The following GNAS variants were observed in gnomAD, a reference collection of about 807,000 sequenced individuals.
GNAS encodes protein ALEX.
Under a neutral mutation model 54.5 loss-of-function variants are expected in GNAS, and 8 were observed. The ratio of observed to expected loss-of-function variants is 0.15; its 90% CI spans 0.09 to 0.26. The LOEUF (loss-of-function observed/expected upper bound fraction) is 0.26. Among genes scored for constraint, GNAS ranks in the 10% least tolerant of loss-of-function variants. The pLI is 1.00. For synonymous variants in GNAS, 204 were observed against 191.4 expected, an observed-to-expected ratio of 1.07 and a Z score of -0.54; for missense variants, 170 against 529.8, an observed-to-expected ratio of 0.32 and a Z score of 6.67.
rs766190543 is a variant in GNAS at position 58,909,482 on chromosome 20, A to C, written c.660-39A>C. 1.9e-6 allele frequency: 3 copies of C among 1,612,460 alleles called. No individual in the cohort carries two copies. Among genetic ancestry groups the C allele is most frequent in the East Asian group, 4.5e-5 (2 of 44,868 alleles). ...ATCATGGTTTCTTGACATTCACCCC[A>C]GTCCCTCTGGAATAACCAGCTGTCC... is the stretch of plus-strand genomic sequence containing the variant. On this transcript the variant is annotated intron_variant, in intron 8 of 12. Coordinates refer to ENST00000371085, the MANE Select transcript of GNAS (RefSeq NM_000516.7). This position sits in a 1 kb window ranked among gnomAD's most constrained non-coding sequence, Gnocchi z 7.3.
chr20:58,839,895 G>GA (rs2085655140), upstream of GNAS: 1 of 601,962 alleles, frequency 1.7e-6, no homozygotes, highest in Non-Finnish European at 3.0e-6. Context: ...GCTCAGAGAG[G>GA]CAAGCAAGGC....
intron 6 of GNAS, among the ~76,000 whole-genome samples, chr20:58,905,984 G>A (rs2091017348): frequency 3.3e-5 from 5 of 152,128 alleles, no homozygotes; most frequent in Admixed American, 3.3e-4. Flanking sequence ...CTAGATCCTA[G>A]TGACTCTAGG....
intron 6 of GNAS, among the ~76,000 whole-genome samples, chr20:58,907,656 T>TA (rs2091168500): frequency 6.6e-6 from 1 of 152,204 alleles, no homozygotes; most frequent in African/African-American, 2.4e-5. Flanking sequence ...AAGCAACACT[T>TA]AATTACTCCT....
intron 1 of GNAS, among the ~76,000 whole-genome samples, chr20:58,870,065 T>C (rs1012935840): frequency 5.9e-5 from 9 of 152,334 alleles, no homozygotes; most frequent in Non-Finnish European, 1.2e-4. Flanking sequence ...CACAAGGACC[T>C]ACAAAGTCCT....
upstream of GNAS, chr20:58,889,435 AGGGGCGCCCGGGCGCCGCTGCCTTGCCCC>A (rs888651713): frequency 1.8e-3 from 1,677 of 913,512 alleles, 4 homozygotes; most frequent in South Asian, 2.1e-3. Flanking sequence ...GGGACAAGGC[AGGGGCGCCCGGGCGCCGCTGCCTTGCCCC>A]GGGGCGCCTC....
chr20:58,845,865 G>A (rs1351509625), intron 1 of GNAS, among the ~76,000 whole-genome samples: 1 of 152,206 alleles, frequency 6.6e-6, no homozygotes, highest in African/African-American at 2.4e-5. Context: ...AGCAGAGGCA[G>A]GACTCTGCCT....
At chr20:58,890,290 G>C (rs1456116536), upstream of GNAS, among the ~76,000 whole-genome samples, 1 of 147,682 alleles carries the variant, frequency 6.8e-6, no homozygotes, top group Non-Finnish European at 1.5e-5. Context: ...GACGACGAGG[G>C]CGCCGAGGAG....
chr20:58,879,425 G>A (rs528062313), intron 1 of GNAS, among the ~76,000 whole-genome samples: 25 of 152,326 alleles, frequency 1.6e-4, no homozygotes, highest in African/African-American at 5.5e-4. Context: ...CAGATGTCCT[G>A]TTCTGGGGAC....
chr20:58,907,578 C>T (rs1239612214), intron 6 of GNAS, among the ~76,000 whole-genome samples: 4 of 152,156 alleles, frequency 2.6e-5, no homozygotes, highest in Non-Finnish European at 5.9e-5. Flanking sequence ...GTAGCTTAGC[C>T]AGATTGTTGA....
At chr20:58,840,263 C>A, upstream of GNAS, 1 of 1,611,788 alleles carries the variant, frequency 6.2e-7, no homozygotes, top group Non-Finnish European at 8.5e-7. This position sits in a 1 kb window ranked among gnomAD's most constrained non-coding sequence, Gnocchi z 6.0. Context: ...CGCCCGTGCC[C>A]AGCAGCGCGC....
rs2085749757 is a variant in GNAS at position 58,841,988 on chromosome 20, T to C, written c.43+1102T>C. The C allele has an allele frequency of 1.0e-6, 1 of 975,534 alleles. No homozygotes were observed. The highest frequency in any genetic ancestry group is 1.3e-6 in the Non-Finnish European group (1 of 753,814). The allele number at this position is 975,534 out of a possible 1,614,324, so 60.4% of individuals were successfully genotyped here. ...CGCAGAGCTGGGGAAAGGTGTTGGA[T>C]CCGGCGCCAGTCCTTGGACGATCAG... is the stretch of plus-strand genomic sequence containing the variant. On this transcript the variant is annotated intron_variant, in intron 1 of 12. Coordinates refer to the GNAS transcript ENST00000306090. The surrounding 1 kb of genome is among the most constrained non-coding windows in gnomAD (Gnocchi z 5.0).
intron 1 of GNAS, chr20:58,854,365 C>A: frequency 6.4e-7 from 1 of 1,574,708 alleles, no homozygotes; most frequent in Non-Finnish European, 8.6e-7. Flanking sequence ...GCCGCTGATG[C>A]CGCGGAGGGA....
intron 1 of GNAS, among the ~76,000 whole-genome samples, chr20:58,870,502 A>G (rs1483593725): frequency 6.6e-6 from 1 of 152,238 alleles, no homozygotes; most frequent in Non-Finnish European, 1.5e-5. Context: ...GTCTGCTCTC[A>G]GAAATTGGGA....
chr20:58,851,340 C>T (rs1435363040), intron 1 of GNAS, among the ~76,000 whole-genome samples: 1 of 152,048 alleles, frequency 6.6e-6, no homozygotes, highest in African/African-American at 2.4e-5. Flanking sequence ...GTGGTTCGCC[C>T]GCCTGCAGCT....
At chr20:58,889,195 G>A (rs1367126864), upstream of GNAS, 2 of 1,213,138 alleles carry the variant, frequency 1.6e-6, no homozygotes, top group Non-Finnish European at 2.1e-6. Context: ...CGTCGGCACC[G>A]CGGAGCGGGC....
intron 1 of GNAS, chr20:58,843,287 A>G (rs1475845729): frequency 6.7e-6 from 1 of 149,948 alleles, no homozygotes; most frequent in Non-Finnish European, 1.5e-5. Flanking sequence ...AGTGCAGACC[A>G]TATGAAGCAA....
chr20:58,871,209 G>T (rs2087422913), intron 1 of GNAS, among the ~76,000 whole-genome samples: 1 of 152,210 alleles, frequency 6.6e-6, no homozygotes, highest in African/African-American at 2.4e-5. Context: ...GGGTCCTTGT[G>T]AACGACTCAG....
At position 58,910,377 on chromosome 20, in the gene GNAS, G is replaced by A. The variant is rs1165430006; in HGVS notation, c.1014G>A (p.Lys338=). ...AGGACCCACGCGTGACCCGGGCCAA[G>A]TACTTCATTCGAGATGAGTTTCTGG... ...PGEDPRVTRA[K]YFIRDEFLRI... Residue 338 remains lysine, a synonymous_variant, in exon 12 of 13, where the codon AAG becomes AAA. Coordinates refer to ENST00000371085, the MANE Select transcript of GNAS (RefSeq NM_000516.7). The surrounding 1 kb of genome is among the most constrained non-coding windows in gnomAD (Gnocchi z 5.8). 2.5e-6 allele frequency: 4 copies of A among 1,612,700 alleles called. No homozygotes were observed. The highest frequency in any genetic ancestry group is 1.3e-5 in the African/African-American group (1 of 74,852).
chr20:58,890,601 G>C (rs1464753544), upstream of GNAS: 1 of 152,458 alleles, frequency 6.6e-6, no homozygotes, highest in Non-Finnish European at 1.5e-5. Context: ...CTGCTTCCGA[G>C]TGTTCCTGGG....
Sources: gnomAD v4.1 joint callset for allele counts (sites outside exome capture counted in the v4.1 genomes callset) on GRCh38, gnomAD v4.1.1 for gene constraint, Gnocchi (gnomAD v3.1) non-coding constraint, MANE v1.5 for transcripts, NCBI Gene and HGNC (gene_info 2026-07-23, HGNC 2026-07-21) for gene names.